The following MTUS2 variants were observed in gnomAD, a reference collection of about 807,000 sequenced individuals.
MTUS2 encodes microtubule associated scaffold protein 2.
In MTUS2, 40 loss-of-function variants were observed where a neutral mutation model predicts 114.1. That is an observed-to-expected ratio of 0.35 (90% CI 0.27 to 0.46). The LOEUF (loss-of-function observed/expected upper bound fraction) is 0.46. MTUS2 is among the 20% of genes least tolerant of loss of function. The pLI, the probability that MTUS2 is intolerant of heterozygous loss-of-function variation, is 1.00. For missense variants in MTUS2, 1,679 were observed against 1,705.4 expected (o/e 0.98, Z 0.27); for synonymous variants, 688 against 672.0 (o/e 1.02, Z -0.37).
chr13:28,897,803 C>T (rs953120163), intron 2 of MTUS2, among the ~76,000 whole-genome samples: 1 of 150,098 alleles, frequency 6.7e-6, no homozygotes, highest in Non-Finnish European at 1.5e-5. Flanking sequence ...ATCACAAGGA[C>T]AAAAAACCAA....
At chr13:29,389,367 G>A (rs796602113) in intron 8 of MTUS2, among the ~76,000 whole-genome samples, 2,727 of 44,394 alleles carry the variant, frequency 0.061, 186 homozygotes, top group Non-Finnish European at 0.081. Flanking sequence ...ATGTATGCAC[G>A]TGTGTGTATA....
intron 4 of MTUS2, among the ~76,000 whole-genome samples, chr13:29,093,048 T>C (rs993398178): frequency 6.6e-6 from 1 of 152,130 alleles, no homozygotes; most frequent in Non-Finnish European, 1.5e-5. Flanking sequence ...AGAGGGTGCA[T>C]TGGGCTTTCT....
intron 8 of MTUS2, among the ~76,000 whole-genome samples, chr13:29,393,011 A>G (rs908631455): frequency 6.6e-6 from 1 of 152,252 alleles, no homozygotes; most frequent in South Asian, 2.1e-4. Flanking sequence ...TATTTAATTT[A>G]GTAAACTGAA....
At chr13:29,283,444 G>A (rs893238380) in intron 6 of MTUS2, among the ~76,000 whole-genome samples, 3 of 152,132 alleles carry the variant, frequency 2.0e-5, no homozygotes, top group East Asian at 1.9e-4. Flanking sequence ...GATATCACAT[G>A]GCATTTGAAT....
chr13:29,024,315 G>A (rs1041327322), intron 2 of MTUS2, 142 bp from the exon 3 acceptor site: 3 of 211,956 alleles, frequency 1.4e-5, no homozygotes, highest in Non-Finnish European at 2.8e-5. Flanking sequence ...GAGGAGCCCT[G>A]ATCAGAAAGG....
chr13:28,940,733 A>G (rs1211294652), intron 2 of MTUS2, among the ~76,000 whole-genome samples: 6 of 152,206 alleles, frequency 3.9e-5, no homozygotes, highest in African/African-American at 1.2e-4. Flanking sequence ...TAGAAAATAG[A>G]TTAATGTCCA....
chr13:28,841,494 C>T (rs568766090), intron 2 of MTUS2, among the ~76,000 whole-genome samples: 2 of 152,076 alleles, frequency 1.3e-5, no homozygotes, highest in South Asian at 2.1e-4. Context: ...GCCACTGTGG[C>T]GCTGAAGACA....
At chr13:28,908,788 G>T (rs1291116820) in intron 2 of MTUS2, among the ~76,000 whole-genome samples, 1 of 151,540 alleles carries the variant, frequency 6.6e-6, no homozygotes, top group Non-Finnish European at 1.5e-5. Flanking sequence ...GAATGGTATT[G>T]CCTAGGTTTT....
chr13:29,170,954 A>G lies in MTUS2; in HGVS notation c.2644+69984A>G, dbSNP rs574749773. Among the ~76,000 whole-genome samples, 13 of 152,298 alleles carry G rather than the reference A, an allele frequency of 8.5e-5. No homozygotes were observed. The South Asian group carries it at 1.0e-3, about 12-fold the overall frequency. On this transcript the variant is annotated intron_variant, in intron 5 of 15. Transcript: ENST00000612955. ...GCGAGGGAGTGTGGCTTACTATTTC[A>G]TGAATCCTTGCATCAGGAAATAAGG...
intron 1 of MTUS2, among the ~76,000 whole-genome samples, chr13:28,821,267 T>G (rs1465082159): frequency 6.6e-6 from 1 of 152,198 alleles, no homozygotes; most frequent in African/African-American, 2.4e-5. Flanking sequence ...TGAGGTACCC[T>G]TTTAAGATAA....
chr13:28,926,479 T>C (rs1259259568), intron 2 of MTUS2, among the ~76,000 whole-genome samples: 1 of 152,168 alleles, frequency 6.6e-6, no homozygotes, highest in Non-Finnish European at 1.5e-5. Context: ...TTCCAGGACC[T>C]GAGTGTGAAG....
chr13:29,428,369 C>T (rs542283486), intron 8 of MTUS2, among the ~76,000 whole-genome samples: 3 of 152,386 alleles, frequency 2.0e-5, no homozygotes, highest in Admixed American at 2.0e-4. Flanking sequence ...AGCCCAGGCT[C>T]GCCTTTTGTG....
chr13:29,005,065 A>C (rs1469707318), intron 2 of MTUS2, among the ~76,000 whole-genome samples: 1 of 152,210 alleles, frequency 6.6e-6, no homozygotes, highest in African/African-American at 2.4e-5. Context: ...GGAGATCAGC[A>C]TGGGCTCACA....
At chr13:28,999,277 G>C (rs554655651) in intron 2 of MTUS2, among the ~76,000 whole-genome samples, 3 of 151,742 alleles carry the variant, frequency 2.0e-5, no homozygotes, top group Non-Finnish European at 2.9e-5. Flanking sequence ...GTACCTGGCC[G>C]TGTGAGGTGT....
intron 2 of MTUS2, among the ~76,000 whole-genome samples, chr13:28,889,555 G>T (rs1056115229): frequency 1.3e-5 from 2 of 152,148 alleles, no homozygotes; most frequent in Non-Finnish European, 2.9e-5. Context: ...AGGATTCCAC[G>T]TGTTCCCTTG....
At chr13:29,152,397 A>G (rs2139043726) in intron 5 of MTUS2, among the ~76,000 whole-genome samples, 1 of 152,312 alleles carries the variant, frequency 6.6e-6, no homozygotes, top group African/African-American at 2.4e-5. Context: ...CTGCTGAATA[A>G]CAAGTTATCC....
At chr13:29,262,207 T>A (rs1281260918) in intron 5 of MTUS2, among the ~76,000 whole-genome samples, 11 of 152,252 alleles carry the variant, frequency 7.2e-5, no homozygotes, top group Non-Finnish European at 1.5e-4. Context: ...TCTGTCTTTC[T>A]TAAAGTAGTT....
chr13:29,198,624 G>A (rs1223068689), intron 5 of MTUS2, among the ~76,000 whole-genome samples: 1 of 152,050 alleles, frequency 6.6e-6, no homozygotes, highest in African/African-American at 2.4e-5. Context: ...TGGTAGCTTG[G>A]TGGGGATAGC....
intron 2 of MTUS2, among the ~76,000 whole-genome samples, chr13:28,931,528 A>G (rs1193517097): frequency 1.3e-5 from 2 of 152,034 alleles, no homozygotes; most frequent in Non-Finnish European, 2.9e-5. Flanking sequence ...CCCTTCCACC[A>G]TGATTGTAAG....
Sources: gnomAD v4.1 joint callset for allele counts (sites outside exome capture counted in the v4.1 genomes callset) on GRCh38, gnomAD v4.1.1 for gene constraint, MANE v1.5 for transcripts, NCBI Gene and HGNC (gene_info 2026-07-23, HGNC 2026-07-21) for gene names.